The following KDM2B variants were observed in gnomAD, a reference collection of about 807,000 sequenced individuals.
KDM2B encodes the protein lysine-specific demethylase 2B.
In KDM2B, 26 loss-of-function variants were observed where a neutral mutation model predicts 150.0. That is an observed-to-expected ratio of 0.17 (90% CI 0.13 to 0.24). The LOEUF is 0.24. KDM2B is among the 10% of genes least tolerant of loss of function. The probability of loss-of-function intolerance (pLI) is 1.00; values close to 1 mark genes in which losing one functional copy is unlikely to be tolerated. For missense variants in KDM2B, 1,265 were observed against 1,816.9 expected (o/e 0.70, Z 5.52); for synonymous variants, 734 against 729.5 (o/e 1.01, Z -0.10).
At chr12:121,423,506 G>A in the KDM2B span, 1 of 1,614,166 alleles carries the variant, frequency 6.2e-7, no homozygotes, top group Non-Finnish European at 8.5e-7. The surrounding 1 kb of genome is among the most constrained non-coding windows in gnomAD (Gnocchi z 4.3). Context: ...ACCAAGTGCG[G>A]CAAGCGCATG....
intron 12 of KDM2B, among the ~76,000 whole-genome samples, chr12:121,455,933 C>T (rs1213044858): frequency 1.3e-5 from 2 of 152,214 alleles, no homozygotes; most frequent in African/African-American, 2.4e-5. Context: ...TGAAGCTGAG[C>T]AGCCAACAGA....
intron 11 of KDM2B, among the ~76,000 whole-genome samples, chr12:121,502,106 CG>C (rs1411532939): frequency 6.6e-6 from 1 of 152,166 alleles, no homozygotes; most frequent in African/African-American, 2.4e-5. Flanking sequence ...TTCACAGGCT[CG>C]CACATTTGAC....
intron 10 of KDM2B, among the ~76,000 whole-genome samples, chr12:121,511,281 ATTTTTT>A (rs35590443): frequency 9.1e-6 from 1 of 110,460 alleles, no homozygotes; most frequent in African/African-American, 3.9e-5. Context: ...AATGCTAGGA[ATTTTTT>A]TTTTTTTTTT....
intron 10 of KDM2B, among the ~76,000 whole-genome samples, chr12:121,512,778 A>G (rs1023777949): frequency 3.3e-5 from 5 of 152,112 alleles, no homozygotes; most frequent in African/African-American, 1.2e-4. Flanking sequence ...GCGGCTCCAA[A>G]CACTCTCTCC....
At position 121,526,203 on chromosome 12, in the gene KDM2B, A is replaced by G. The variant is rs563261259; in HGVS notation, c.932-5103T>C. Reference sequence around the variant, plus strand: ...CCCGTCTCTACTAAAAATAGAAAAAATTAGCTGGGTGTGGTGGCACACGCC... The same window carrying G: ...CCCGTCTCTACTAAAAATAGAAAAAGTTAGCTGGGTGTGGTGGCACACGCC... On this transcript the variant is annotated intron_variant, in intron 8 of 22. Coordinates refer to ENST00000377071, the MANE Select transcript of KDM2B (RefSeq NM_032590.5). 1.9e-4 allele frequency among the ~76,000 whole-genome samples: 29 copies of G among 152,234 alleles called. 1 individual carries two copies. In the South Asian group the frequency reaches 6.0e-3, roughly 32 times the overall value.
At chr12:121,579,535 G>T in intron 1 of KDM2B, 1 of 1,242,414 alleles carries the variant, frequency 8.0e-7, no homozygotes, top group Non-Finnish European at 1.1e-6. Flanking sequence ...GGAGGTGGGG[G>T]GAGGAGAATC....
intron 12 of KDM2B, among the ~76,000 whole-genome samples, chr12:121,493,240 C>CA (rs1883556691): frequency 6.6e-6 from 1 of 151,454 alleles, no homozygotes; most frequent in Non-Finnish European, 1.5e-5. Flanking sequence ...AAAAAAACCC[C>CA]AAAAAAATCA....
intron 6 of KDM2B, among the ~76,000 whole-genome samples, chr12:121,535,857 C>T (rs1888045346): frequency 6.6e-6 from 1 of 152,054 alleles, no homozygotes; most frequent in Non-Finnish European, 1.5e-5. Flanking sequence ...ACAGAGAAGG[C>T]TTCCAAGTCC....
intron 12 of KDM2B, among the ~76,000 whole-genome samples, chr12:121,462,121 G>GC (rs1307699725): frequency 1.3e-5 from 2 of 152,228 alleles, no homozygotes; most frequent in South Asian, 2.1e-4. Context: ...AAGGCCACAG[G>GC]CCCCCCGATT....
intron 11 of KDM2B, among the ~76,000 whole-genome samples, chr12:121,508,644 G>A (rs1555303327): frequency 2.0e-5 from 3 of 152,264 alleles, no homozygotes; most frequent in South Asian, 4.1e-4. Context: ...TCCACACAGC[G>A]GTAGACACAC....
At chr12:121,554,470 G>GCGCGATCT (rs1889755080) in intron 4 of KDM2B, among the ~76,000 whole-genome samples, 1 of 151,862 alleles carries the variant, frequency 6.6e-6, no homozygotes. Flanking sequence ...GATGGCGATG[G>GCGCGATCT]CGCGATCTCG....
At chr12:121,514,753 C>A in intron 9 of KDM2B, among the ~76,000 whole-genome samples, 1 of 139,612 alleles carries the variant, frequency 7.2e-6, no homozygotes, top group Non-Finnish European at 1.6e-5. Context: ...ACTCACCCAT[C>A]CCCCCATTCA....
At position 121,533,389 on chromosome 12, in the gene KDM2B, C is replaced by T. The variant is rs1475014262; in HGVS notation, c.778-430G>A. 6.6e-6 allele frequency among the ~76,000 whole-genome samples: 1 copy of T among 152,156 alleles called. No homozygotes were observed. The highest frequency in any genetic ancestry group is 1.5e-5 in the Non-Finnish European group (1 of 68,032). ...CTGGAATCAAGTGGGTTGACTTCCT[C>T]CCAGAATTTCTTCCAACACGTTCAG... On this transcript the variant is annotated intron_variant, in intron 7 of 22. Coordinates refer to ENST00000377071, the MANE Select transcript of KDM2B (RefSeq NM_032590.5). The surrounding 1 kb of genome is among the most constrained non-coding windows in gnomAD (Gnocchi z 4.1).
rs1444458488 is a variant in KDM2B, at chr12:121,549,346, C to G, written c.576+114G>C. ...TAGTCACCCCTATGCCTGCCAAGCC[C>G]AGCCAGCCACACCCACATGAGCCTT... is the stretch of plus-strand genomic sequence containing the variant. On this transcript the variant is annotated intron_variant, in intron 5 of 22. Transcript: ENST00000377071. The surrounding 1 kb of genome is among the most constrained non-coding windows in gnomAD (Gnocchi z 4.4). 1.0e-6 allele frequency: 1 copy of G among 987,058 alleles called. No individual in the cohort carries two copies. The highest frequency in any genetic ancestry group is 1.5e-6 in the Non-Finnish European group (1 of 668,696). The allele number at this position is 987,058 out of a possible 1,614,324, so 61.1% of individuals were successfully genotyped here.
chr12:121,442,340 T>C lies in KDM2B; in HGVS notation c.3101A>G (p.Lys1034Arg), dbSNP rs1875264748. 1 of 1,597,498 alleles carries C rather than the reference T, an allele frequency of 6.3e-7. No homozygotes were observed. Among genetic ancestry groups the C allele is most frequent in the Non-Finnish European group, 8.5e-7 (1 of 1,170,610 alleles). The change falls in exon 19 of 23, where the codon AAG (lysine) becomes AGG (arginine). Residue 1034 changes from lysine to arginine, a missense_variant. By Grantham distance (26) the Lys-to-Arg change is conservative. Coordinates refer to ENST00000377071, the MANE Select transcript of KDM2B (RefSeq NM_032590.5). This position sits in a 1 kb window ranked among gnomAD's most constrained non-coding sequence, Gnocchi z 7.7. ...CACATGGCGCTCCATCTGGATACAC[T>C]TGGGCGGGGACACGGAGGGTGGGGG... Reference protein sequence around the residue: ...SRPPPSVSPPKCIQMERHVIR... With the variant: ...SRPPPSVSPPRCIQMERHVIR...
rs543334187 is a variant in KDM2B at position 121,436,950 on chromosome 12, G to C, written c.3829+2907C>G. ...CCAGACTAGGGTTCTATACCCAGCA[G>C]AACTAGCAACTAAATGGGAAGGTAT... is the stretch of plus-strand genomic sequence containing the variant. On this transcript the variant is annotated intron_variant, in intron 22 of 22. Transcript: ENST00000377071. Among the ~76,000 whole-genome samples, 8 of 152,302 alleles carry C rather than the reference G, an allele frequency of 5.3e-5. No homozygotes were observed. The South Asian group carries it at 1.7e-3, about 32-fold the overall frequency.
chr12:121,443,670 G>A lies in KDM2B; in HGVS notation c.2565+10C>T, dbSNP rs782184197. ...CCGGGGCCTCAGGAGGGCGTGCGTC[G>A]TGGGAGCACCTGCTGCTGGAAGTAA... On this transcript the variant is annotated intron_variant, in intron 17 of 22. Transcript: ENST00000377071. 73 of 1,578,044 alleles carry A rather than the reference G, an allele frequency of 4.6e-5. No homozygotes were observed. The highest frequency in any genetic ancestry group is 1.0e-4 in the Admixed American group (6 of 59,966).
intron 22 of KDM2B, among the ~76,000 whole-genome samples, chr12:121,434,960 AAAAG>A (rs1873731337): frequency 6.6e-6 from 1 of 152,192 alleles, no homozygotes; most frequent in African/African-American, 2.4e-5. Flanking sequence ...TTGTGTTGAA[AAAAG>A]AAAATGGGAA....
rs1045629037 is a variant in KDM2B, at chr12:121,520,319, C to T, written c.1047+666G>A. Among the ~76,000 whole-genome samples, 2 of 152,058 alleles carry T rather than the reference C, an allele frequency of 1.3e-5. No individual in the cohort carries two copies. The highest frequency in any genetic ancestry group is 2.4e-5 in the African/African-American group (1 of 41,388). On this transcript the variant is annotated intron_variant, in intron 9 of 22. Transcript: ENST00000377071. This position sits in a 1 kb window ranked among gnomAD's most constrained non-coding sequence, Gnocchi z 4.5. ...TCCTTTTCAGGGGACACTTGTGGAG[C>T]GAAGGACACACATCAGTTACCTAAG...
Sources: gnomAD v4.1 joint callset for allele counts (sites outside exome capture counted in the v4.1 genomes callset) on GRCh38, gnomAD v4.1.1 for gene constraint, Gnocchi (gnomAD v3.1) non-coding constraint, MANE v1.5 for transcripts, NCBI Gene and HGNC (gene_info 2026-07-23, HGNC 2026-07-21) for gene names.